Variants in CARD6 observed in about 807,000 individuals in gnomAD.
CARD6 encodes caspase recruitment domain-containing protein 6.
Under a neutral mutation model 23.6 loss-of-function variants are expected in CARD6, and 27 were observed. The ratio of observed to expected loss-of-function variants is 1.14; its 90% CI spans 0.84 to 1.58. CARD6 has a LOEUF of 1.58. Ranked by LOEUF, CARD6 falls within the 40% of genes most tolerant of loss-of-function variation. The probability of loss-of-function intolerance (pLI) is 0.00; values close to 1 mark genes in which losing one functional copy is unlikely to be tolerated. For missense variants in CARD6, 1,214 were observed against 1,209.9 expected (o/e 1.00, Z -0.05); for synonymous variants, 397 against 431.8 (o/e 0.92, Z 1.00).
intron 2 of CARD6, among the ~76,000 whole-genome samples, chr5:40,849,903 C>T (rs1561214935): frequency 6.6e-6 from 1 of 151,764 alleles, no homozygotes; most frequent in African/African-American, 2.4e-5. Context: ...TCACCTGAAC[C>T]CAGGAAGTTG....
In CARD6 at chr5:40,854,459, A is replaced by G; in HGVS notation, c.*13A>G. The stretch of plus-strand genomic sequence containing the variant: ...AGGGAAGCATTAAAGAGCTAACTCC[A>G]GAGATCTATAAAGCATATCCTTTAC... On this transcript the variant is annotated 3_prime_UTR_variant, in exon 3 of 3. Coordinates refer to ENST00000254691, the MANE Select transcript of CARD6 (RefSeq NM_032587.4). The G allele has an allele frequency of 6.3e-7, 1 of 1,590,098 alleles. No homozygotes were observed. The highest frequency in any genetic ancestry group is 8.6e-7 in the Non-Finnish European group (1 of 1,159,012).
chr5:40,848,668 T>C (rs1486895839), intron 2 of CARD6, among the ~76,000 whole-genome samples: 1 of 151,820 alleles, frequency 6.6e-6, no homozygotes, highest in African/African-American at 2.4e-5. Context: ...CTCTAGATTG[T>C]TATATTTCTC....
At chr5:40,847,896 AT>A (rs1471563153) in intron 2 of CARD6, among the ~76,000 whole-genome samples, 2 of 147,626 alleles carry the variant, frequency 1.4e-5, no homozygotes, top group Non-Finnish European at 3.0e-5. Flanking sequence ...ATTTACCGAG[AT>A]TTTTTTCTTT....
In CARD6 at chr5:40,854,462, G is replaced by A. The variant is rs1278544047; in HGVS notation, c.*16G>A. ...GAAGCATTAAAGAGCTAACTCCAGA[G>A]ATCTATAAAGCATATCCTTTACCCA... On this transcript the variant is annotated 3_prime_UTR_variant, in exon 3 of 3. Transcript: ENST00000254691. 1.3e-6 allele frequency: 2 copies of A among 1,589,436 alleles called. No homozygotes were observed. Among genetic ancestry groups the A allele is most frequent in the Non-Finnish European group, 1.7e-6 (2 of 1,158,804 alleles).
Position 40,852,505 on chromosome 5 carries a change from A to C in CARD6, c.1173A>C (p.Gln391His), listed in dbSNP as rs1746086166. ...TGCTGTGTTCAGATAGCTCTTTGCAACGCCAAGTCATGTCAAACATGTATC... is the reference window on the plus strand; with the variant it reads ...TGCTGTGTTCAGATAGCTCTTTGCACCGCCAAGTCATGTCAAACATGTATC... ...ATMLCSDSSL[Q>H]RQVMSNMYQC... The change falls in exon 3 of 3, where the codon CAA (glutamine) becomes CAC (histidine). Residue 391 changes from glutamine (Q) to histidine (H), a missense_variant. By Grantham distance (24) the Gln-to-His change is conservative. Coordinates refer to ENST00000254691, the MANE Select transcript of CARD6 (RefSeq NM_032587.4). 6.2e-7 allele frequency: 1 copy of C among 1,614,192 alleles called. No individual in the cohort carries two copies. Among genetic ancestry groups the C allele is most frequent in the Non-Finnish European group, 8.5e-7 (1 of 1,180,026 alleles).
chr5:40,842,087 C>A (rs957595506), intron 1 of CARD6, among the ~76,000 whole-genome samples: 1 of 152,166 alleles, frequency 6.6e-6, no homozygotes, highest in African/African-American at 2.4e-5. Flanking sequence ...TTTGAAAATA[C>A]AAGGAAAATA....
Position 40,843,369 on chromosome 5 carries a change from GGAATA to G in CARD6, c.502_506del (p.Glu168Ter). 1 of 1,614,018 alleles carries G rather than the reference GGAATA, an allele frequency of 6.2e-7. No homozygotes were observed. Among genetic ancestry groups the G allele is most frequent in the Non-Finnish European group, 8.5e-7 (1 of 1,179,940 alleles). On this transcript the variant is annotated frameshift_variant, in exon 2 of 3. Coordinates refer to ENST00000254691, the MANE Select transcript of CARD6 (RefSeq NM_032587.4). LOFTEE classifies it high-confidence loss of function. ...CTTTGTCTGCCAGGAAGAATGAGAA[GGAATA>G]TGACACACCAGAAGTCACATTATCA... is the stretch of plus-strand genomic sequence containing the variant.
intron 1 of CARD6, among the ~76,000 whole-genome samples, chr5:40,842,681 C>A (rs941291926): frequency 6.6e-6 from 1 of 151,842 alleles, no homozygotes; most frequent in South Asian, 2.1e-4. Flanking sequence ...AAAGAAAGTT[C>A]TGAAAGTTGA....
Position 40,852,458 on chromosome 5 carries a change from C to G in CARD6, c.1126C>G (p.Leu376Val). Residue 376 changes from leucine to valine, a missense_variant, in exon 3 of 3, where the codon CTT becomes GTT. Coordinates refer to ENST00000254691, the MANE Select transcript of CARD6 (RefSeq NM_032587.4). ...EIRDIQTINP[L>V]DVLCATMLCS... is the part of the protein sequence containing the mutation. ...TCGAGACATACAAACCATTAATCCC[C>G]TTGACGTGCTTTGTGCCACCATGCT... 6.2e-7 allele frequency: 1 copy of G among 1,614,176 alleles called. No homozygotes were observed. Among genetic ancestry groups the G allele is most frequent in the Non-Finnish European group, 8.5e-7 (1 of 1,180,044 alleles).
chr5:40,841,578 A>T lies in CARD6; in HGVS notation c.196A>T (p.Lys66Ter). The T allele has an allele frequency of 1.2e-6, 2 of 1,614,060 alleles. No individual in the cohort carries two copies. The highest frequency in any genetic ancestry group is 2.2e-5 in the South Asian group (2 of 91,084). ...KSRKLLILVQ[K>*]KGEATCQHFL... ...TCGGAAGCTGTTAATTTTGGTACAGAAAAAGGGAGAGGCGACCTGTCAGCA... is the reference window on the plus strand; with the variant it reads ...TCGGAAGCTGTTAATTTTGGTACAGTAAAAGGGAGAGGCGACCTGTCAGCA... Residue 66 changes from lysine to a stop codon, truncating the protein, a stop_gained, in exon 1 of 3, where the codon AAA becomes TAA. Coordinates refer to ENST00000254691, the MANE Select transcript of CARD6 (RefSeq NM_032587.4). LOFTEE classifies it high-confidence loss of function.
At chr5:40,850,949 A>G (rs1746054827) in intron 2 of CARD6, among the ~76,000 whole-genome samples, 1 of 152,156 alleles carries the variant, frequency 6.6e-6, no homozygotes, top group South Asian at 2.1e-4. Context: ...AGATCAGTAT[A>G]TATGCTGACT....
chr5:40,850,721 C>CAAA (rs34372703), intron 2 of CARD6, among the ~76,000 whole-genome samples: 44 of 46,452 alleles, frequency 9.5e-4, no homozygotes, highest in South Asian at 2.7e-3. Flanking sequence ...ACTCCGTCTC[C>CAAA]AAAAAAAAAA....
intron 2 of CARD6, among the ~76,000 whole-genome samples, chr5:40,844,123 G>A (rs1745927057): frequency 6.6e-6 from 1 of 152,138 alleles, no homozygotes. Context: ...GACTATTTAA[G>A]TGAAAACAGT....
chr5:40,854,163 C>T lies in CARD6; in HGVS notation c.2831C>T (p.Ser944Phe), dbSNP rs748727449. The change falls in exon 3 of 3, where the codon TCC becomes TTC. Residue 944 changes from serine to phenylalanine, a missense_variant. Coordinates refer to ENST00000254691, the MANE Select transcript of CARD6 (RefSeq NM_032587.4). ...ATGTGCAAGAGCTCTCAGTTCAAAT[C>T]CGATCAGTCCAACCCATCCACAGTC... ...HPMCKSSQFKSDQSNPSTVKH... is the reference protein window; with the variant it reads ...HPMCKSSQFKFDQSNPSTVKH... The T allele has an allele frequency of 2.5e-6, 4 of 1,614,210 alleles. No homozygotes were observed. In the East Asian group the frequency reaches 6.7e-5, roughly 27 times the overall value.
intron 2 of CARD6, among the ~76,000 whole-genome samples, chr5:40,845,072 T>C (rs1745944389): frequency 2.0e-5 from 3 of 152,074 alleles, no homozygotes; most frequent in Admixed American, 2.0e-4. Context: ...TACACCATGT[T>C]GGCCAGGCTG....
Position 40,843,546 on chromosome 5 carries a change from C to T in CARD6, c.678C>T (p.Ala226=), listed in dbSNP as rs1408725911. 1 of 1,608,298 alleles carries T rather than the reference C, an allele frequency of 6.2e-7. No individual in the cohort carries two copies. Among genetic ancestry groups the T allele is most frequent in the Admixed American group, 1.7e-5 (1 of 58,398 alleles). ...TTGACACCCCTGAAGATGCAGAAGC[C>T]ACTGTGGAAGAGGAGGTTTATGATG... ...GSVDTPEDAE[A]TVEEEVYDDP... The change falls in exon 2 of 3, where the codon GCC becomes GCT. Residue 226 remains alanine (A), a synonymous_variant. Coordinates refer to ENST00000254691, the MANE Select transcript of CARD6 (RefSeq NM_032587.4).
rs2112176875 is a variant in CARD6 at position 40,852,261 on chromosome 5, C to T, written c.929C>T (p.Ser310Phe). 6.2e-7 allele frequency: 1 copy of T among 1,614,086 alleles called. No homozygotes were observed. Among genetic ancestry groups the T allele is most frequent in the South Asian group, 1.1e-5 (1 of 91,078 alleles). Residue 310 changes from serine to phenylalanine, a missense_variant, in exon 3 of 3, where the codon TCC (serine) becomes TTC (phenylalanine). Physicochemically the swap from Ser to Phe is radical, Grantham distance 155. Coordinates refer to ENST00000254691, the MANE Select transcript of CARD6 (RefSeq NM_032587.4). ...KVLPDFVKQFSLDRGCKWTPE... is the reference protein window; with the variant it reads ...KVLPDFVKQFFLDRGCKWTPE... ...CTGCCAGATTTTGTTAAACAATTCTCCTTAGATCGAGGATGTAAGTGGACC... is the reference window on the plus strand; with the variant it reads ...CTGCCAGATTTTGTTAAACAATTCTTCTTAGATCGAGGATGTAAGTGGACC...
chr5:40,851,753 T>C (rs1055048505), intron 2 of CARD6, among the ~76,000 whole-genome samples: 1 of 150,658 alleles, frequency 6.6e-6, no homozygotes, highest in African/African-American at 2.4e-5. Context: ...GAGGTGGAGG[T>C]TGCAGTGAGC....
chr5:40,852,874 CGAT>C lies in CARD6; in HGVS notation c.1546_1548del (p.Asp516del). On this transcript the variant is annotated inframe_deletion, in exon 3 of 3. Coordinates refer to ENST00000254691, the MANE Select transcript of CARD6 (RefSeq NM_032587.4). The stretch of plus-strand genomic sequence containing the variant: ...AGATAACATGGTGTTTTCCTGATAG[CGAT>C]GATAGAAAGGAAAACCCCTTTTTCC... The C allele has an allele frequency of 6.2e-7, 1 of 1,613,860 alleles. No individual in the cohort carries two copies. Among genetic ancestry groups the C allele is most frequent in the Non-Finnish European group, 8.5e-7 (1 of 1,179,898 alleles).
Sources: gnomAD v4.1 joint callset for allele counts (sites outside exome capture counted in the v4.1 genomes callset) on GRCh38, gnomAD v4.1.1 for gene constraint, MANE v1.5 for transcripts, NCBI Gene and HGNC (gene_info 2026-07-23, HGNC 2026-07-21) for gene names.